RIMKLB: variants seen among roughly 807,000 people sequenced by gnomAD.
The protein encoded by RIMKLB is beta-citrylglutamate synthase B.
In RIMKLB, 7 loss-of-function variants were observed where a neutral mutation model predicts 32.0. The observed-to-expected ratio is 0.22, with a 90% CI of 0.12 to 0.41. The LOEUF is 0.41. Ranked by LOEUF, RIMKLB falls within the 10% of genes least tolerant of loss-of-function variation. The pLI, the probability that RIMKLB is intolerant of heterozygous loss-of-function variation, is 1.00. For synonymous variants in RIMKLB, 172 were observed against 185.1 expected (o/e 0.93, Z 0.57); for missense variants, 289 against 498.7 (o/e 0.58, Z 4.00).
chr12:8,739,939 G>C lies in RIMKLB; in HGVS notation c.176-9923G>C, dbSNP rs189401824. 2.1e-3 allele frequency among the ~76,000 whole-genome samples: 312 copies of C among 152,078 alleles called. 2 individuals are homozygous for C. In the Middle Eastern group the frequency reaches 0.027, roughly 13 times the overall value. On this transcript the variant is annotated intron_variant, in intron 2 of 5. Transcript: ENST00000535829. ...CTCTTTTTTTCCCAGACAGGGTCTCGCTCTGTCACCCAGGCTGGGGGTGTG... is the reference window on the plus strand; with the variant it reads ...CTCTTTTTTTCCCAGACAGGGTCTCCCTCTGTCACCCAGGCTGGGGGTGTG...
At chr12:8,684,860 C>T (rs1413546996) in intron 1 of RIMKLB, among the ~76,000 whole-genome samples, 1 of 152,120 alleles carries the variant, frequency 6.6e-6, no homozygotes. Flanking sequence ...TGAGCTCAGG[C>T]AGTCTGCTCA....
At chr12:8,749,331 C>G (rs775898040) in intron 2 of RIMKLB, among the ~76,000 whole-genome samples, 50 of 152,216 alleles carry the variant, frequency 3.3e-4, no homozygotes, top group African/African-American at 1.2e-3. Context: ...CTGCCTCAGC[C>G]TCCCGAGTAG....
chr12:8,750,064 T>G lies in RIMKLB; in HGVS notation c.378T>G (p.Gly126=). 2 of 1,609,320 alleles carry G rather than the reference T, an allele frequency of 1.2e-6. No individual in the cohort carries two copies. Among genetic ancestry groups the G allele is most frequent in the Non-Finnish European group, 1.7e-6 (2 of 1,175,772 alleles). Reference sequence around the variant, plus strand: ...CATTTCAAGAGTTGGCTGGCCATGGTGTTCCTCTGCCGGATACTTTCTCTT... The same window carrying G: ...CATTTCAAGAGTTGGCTGGCCATGGGGTTCCTCTGCCGGATACTTTCTCTT... ...FWTFQELAGH[G]VPLPDTFSYG... The change falls in exon 3 of 6, where the codon GGT becomes GGG. Residue 126 remains glycine, a synonymous_variant. Coordinates refer to ENST00000535829, the MANE Select transcript of RIMKLB (RefSeq NM_001297776.2).
At chr12:8,702,211 C>T (rs1165745974) in intron 1 of RIMKLB, among the ~76,000 whole-genome samples, 1 of 152,092 alleles carries the variant, frequency 6.6e-6, no homozygotes, top group Non-Finnish European at 1.5e-5. Context: ...GTTGTCGGTT[C>T]TTTCTTCATG....
intron 2 of RIMKLB, among the ~76,000 whole-genome samples, chr12:8,729,222 GGC>G (rs1946316876): frequency 1.3e-5 from 2 of 152,100 alleles, no homozygotes; most frequent in African/African-American, 2.4e-5. Flanking sequence ...CCACACTCTT[GGC>G]ACCCAAGTTC....
At position 8,774,342 on chromosome 12, in the gene RIMKLB, T is replaced by TC. The variant is rs1336952906; in HGVS notation, c.*561dup. Reference sequence around the variant, plus strand: ...TGGGATTTCTTATTTTTTTGTTTTTTCCCGCTTAATTTGGTGGGAGGTCAA... The same window carrying TC: ...TGGGATTTCTTATTTTTTTGTTTTTTCCCCGCTTAATTTGGTGGGAGGTCAA... On this transcript the variant is annotated 3_prime_UTR_variant, in exon 6 of 6. Coordinates refer to ENST00000535829, the MANE Select transcript of RIMKLB (RefSeq NM_001297776.2). 1.2e-5 allele frequency: 12 copies of TC among 985,986 alleles called. No homozygotes were observed. The highest frequency in any genetic ancestry group is 6.1e-5 in the Admixed American group (1 of 16,318). The allele number at this position is 985,986 out of a possible 1,614,324, so 61.1% of individuals were successfully genotyped here.
In RIMKLB at chr12:8,775,190, TTC is replaced by T. The variant is rs1950661861; in HGVS notation, c.*1410_*1411del. On this transcript the variant is annotated 3_prime_UTR_variant, in exon 6 of 6. Transcript: ENST00000535829. ...TCTTTAATGCTTCTGGCTATGCATT[TTC>T]TCTTTTTACATATAGGATTTGGGAT... The T allele has an allele frequency of 3.0e-5, 30 of 985,708 alleles. No individual in the cohort carries two copies. The highest frequency in any genetic ancestry group is 6.1e-5 in the Admixed American group (1 of 16,264). The allele number at this position is 985,708 out of a possible 1,614,324, so 61.1% of individuals were successfully genotyped here.
At chr12:8,780,849 A>C (rs1950986412), downstream of RIMKLB, 1 of 152,242 alleles carries the variant, frequency 6.6e-6, no homozygotes, top group Non-Finnish European at 1.5e-5. Flanking sequence ...TCCTTGCCTT[A>C]ACGTTGAATT....
chr12:8,752,355 C>T (rs1165169794), intron 4 of RIMKLB, among the ~76,000 whole-genome samples: 1 of 152,188 alleles, frequency 6.6e-6, no homozygotes, highest in Non-Finnish European at 1.5e-5. Flanking sequence ...GAGTTCAAGA[C>T]CAGCTGGCCA....
At chr12:8,682,707 G>A (rs1363075096) in intron 1 of RIMKLB, among the ~76,000 whole-genome samples, 1 of 151,326 alleles carries the variant, frequency 6.6e-6, no homozygotes, top group Non-Finnish European at 1.5e-5. Flanking sequence ...GGGAGGCGGA[G>A]CTGGCAGTGA....
downstream of RIMKLB, chr12:8,779,846 C>T (rs889572734): frequency 1.3e-5 from 2 of 152,164 alleles, no homozygotes; most frequent in Non-Finnish European, 2.9e-5. Context: ...AGTTCTACAA[C>T]TGCTATTACA....
At chr12:8,732,754 T>TACACACACACACACACACACACAC (rs796544776) in intron 2 of RIMKLB, among the ~76,000 whole-genome samples, 1 of 144,746 alleles carries the variant, frequency 6.9e-6, no homozygotes, top group African/African-American at 2.9e-5. Flanking sequence ...ATTATATATA[T>TACACACACACACACACACACACAC]ATACACACAC....
chr12:8,685,121 A>G (rs1049783006), intron 1 of RIMKLB, among the ~76,000 whole-genome samples: 4 of 152,158 alleles, frequency 2.6e-5, no homozygotes, highest in Non-Finnish European at 4.4e-5. Context: ...CTCAATCTGT[A>G]CACATTTTAT....
downstream of RIMKLB, among the ~76,000 whole-genome samples, chr12:8,778,820 C>T (rs1411116920): frequency 1.3e-5 from 2 of 152,170 alleles, no homozygotes; most frequent in East Asian, 1.9e-4. Flanking sequence ...TGGCTTTGGA[C>T]GTACTATCCA....
At chr12:8,682,595 A>T (rs971674318) in intron 1 of RIMKLB, among the ~76,000 whole-genome samples, 20 of 151,630 alleles carry the variant, frequency 1.3e-4, no homozygotes, top group Non-Finnish European at 2.8e-4. Context: ...ACACGGTGAA[A>T]CCCTGACTCT....
At chr12:8,771,684 C>T (rs774550162) in intron 5 of RIMKLB, among the ~76,000 whole-genome samples, 1 of 151,816 alleles carries the variant, frequency 6.6e-6, no homozygotes, top group Non-Finnish European at 1.5e-5. Flanking sequence ...TTTAGTGGCG[C>T]TCACATTTTA....
Position 8,774,033 on chromosome 12 carries a change from CT to C in RIMKLB, c.*253del. On this transcript the variant is annotated 3_prime_UTR_variant, in exon 6 of 6. Coordinates refer to ENST00000535829, the MANE Select transcript of RIMKLB (RefSeq NM_001297776.2). Reference sequence around the variant, plus strand: ...AAAATGTCAGGCTCTCATAGTTACCCTTTTAAATTGCTAAAAAATGTGTATG... The same window carrying C: ...AAAATGTCAGGCTCTCATAGTTACCCTTTAAATTGCTAAAAAATGTGTATG... The C allele has an allele frequency of 7.8e-7, 1 of 1,273,968 alleles. No individual in the cohort carries two copies. 78.9% of individuals were successfully genotyped at this position (1,273,968 alleles called of 1,614,324 possible). A position where few individuals can be genotyped will look rare whatever the true frequency, so the allele number is the denominator to read the frequency against.
At chr12:8,771,797 GTCT>G (rs1414178651) in intron 5 of RIMKLB, among the ~76,000 whole-genome samples, 3 of 152,152 alleles carry the variant, frequency 2.0e-5, no homozygotes, top group African/African-American at 7.2e-5. Context: ...TCTGGAAAAT[GTCT>G]TCATTAATTA....
intron 1 of RIMKLB, 42 bp from the exon 2 acceptor site, chr12:8,713,769 T>G (rs1944569441): frequency 1.7e-6 from 2 of 1,187,478 alleles, no homozygotes; most frequent in Non-Finnish European, 2.5e-6. Flanking sequence ...ATCAAGTAGA[T>G]TTCTTGATTT....
Sources: allele counts gnomAD v4.1 joint callset (sites outside exome capture counted in the v4.1 genomes callset), GRCh38; gene constraint gnomAD v4.1.1; transcripts MANE v1.5; gene names NCBI Gene and HGNC (gene_info 2026-07-23, HGNC 2026-07-21).